The following PCDHGA10 variants were observed in gnomAD, a reference collection of about 807,000 sequenced individuals.
PCDHGA10 encodes the protein protocadherin gamma-A10.
Under a neutral mutation model 59.5 loss-of-function variants are expected in PCDHGA10, and 42 were observed. The ratio of observed to expected loss-of-function variants is 0.71; its 90% confidence interval spans 0.55 to 0.91. PCDHGA10 has a LOEUF of 0.91. PCDHGA10 is among the 40% of genes least tolerant of loss of function. The pLI, the probability that PCDHGA10 is intolerant of heterozygous loss-of-function variation, is 0.00. For synonymous variants in PCDHGA10, 511 were observed against 517.2 expected, an observed-to-expected ratio of 0.99 and a Z score of 0.16; for missense variants, 1,111 against 1,198.2, an observed-to-expected ratio of 0.93 and a Z score of 1.07.
At chr5:141,510,286 A>G (rs1011677966) in intron 3 of PCDHGA10, among the ~76,000 whole-genome samples, 1 of 151,770 alleles carries the variant, frequency 6.6e-6, no homozygotes, top group African/African-American at 2.4e-5. Flanking sequence ...AAAAAAAAAA[A>G]AAAAATGCTG....
chr5:141,478,323 G>C, intron 1 of PCDHGA10: 1 of 1,613,958 alleles, frequency 6.2e-7, no homozygotes, highest in Non-Finnish European at 8.5e-7. Flanking sequence ...TCACTGTACC[G>C]AACACCAGGG....
At chr5:141,501,290 T>TACACACACAC (rs55762287) in intron 2 of PCDHGA10, among the ~76,000 whole-genome samples, 12 of 136,162 alleles carry the variant, frequency 8.8e-5, no homozygotes, top group Admixed American at 4.7e-4. Context: ...TATTCCCTTA[T>TACACACACAC]ACACACACAC....
rs1347978078 is a variant in PCDHGA10, at chr5:141,486,800, C to G, written c.2437-8007C>G. ...GGTGCAGGCCCGGGATCGGGGCAAC[C>G]CACCCCTTAGCAGCACTGTAACAGT... On this transcript the variant is annotated intron_variant, in intron 1 of 3. Coordinates refer to ENST00000398610, the MANE Select transcript of PCDHGA10 (RefSeq NM_018913.3). The surrounding 1 kb of genome is among the most constrained non-coding windows in gnomAD (Gnocchi z 5.0). 1.9e-6 allele frequency: 3 copies of G among 1,614,104 alleles called. No individual in the cohort carries two copies. In the Admixed American group the frequency reaches 5.0e-5, roughly 27 times the overall value.
chr5:141,430,017 CTTG>C (rs1203011013), intron 1 of PCDHGA10, among the ~76,000 whole-genome samples: 6 of 152,096 alleles, frequency 3.9e-5, no homozygotes, highest in African/African-American at 1.2e-4. Context: ...CACTTGGGTT[CTTG>C]TTAAGTGTGA....
At chr5:141,465,241 G>C (rs2099099198) in intron 1 of PCDHGA10, among the ~76,000 whole-genome samples, 1 of 151,964 alleles carries the variant, frequency 6.6e-6, no homozygotes, top group South Asian at 2.1e-4. Flanking sequence ...CAAGTTCAAG[G>C]CACTTTTGTA....
intron 1 of PCDHGA10, among the ~76,000 whole-genome samples, chr5:141,433,397 A>ATCTC (rs1179042498): frequency 6.6e-6 from 1 of 150,410 alleles, no homozygotes; most frequent in African/African-American, 2.5e-5. Flanking sequence ...CTATCTATCT[A>ATCTC]TCTATCTATT....
chr5:141,494,746 C>A lies in PCDHGA10; in HGVS notation c.2437-61C>A. 3 of 1,613,088 alleles carry A rather than the reference C, an allele frequency of 1.9e-6. No individual in the cohort carries two copies. The South Asian group carries it at 3.3e-5, about 18-fold the overall frequency. On this transcript the variant is annotated intron_variant, in intron 1 of 3. Coordinates refer to ENST00000398610, the MANE Select transcript of PCDHGA10 (RefSeq NM_018913.3). ...TTCTCTCCCGGCCCATCCCTAGGGG[C>A]TCGGGTGACATTCTAACTTCTCACG...
At chr5:141,482,371 T>C (rs1191880709) in intron 1 of PCDHGA10, among the ~76,000 whole-genome samples, 2 of 152,100 alleles carry the variant, frequency 1.3e-5, no homozygotes, top group African/African-American at 2.4e-5. Flanking sequence ...AAGTAATGCA[T>C]ATAAAGTCCC....
intron 3 of PCDHGA10, among the ~76,000 whole-genome samples, chr5:141,506,300 T>G (rs2099852124): frequency 6.6e-6 from 1 of 151,976 alleles, no homozygotes; most frequent in East Asian, 1.9e-4. Flanking sequence ...AATACAAAAA[T>G]TAGCTGGGCA....
In PCDHGA10 at chr5:141,491,925, G is replaced by A. The variant is rs1019181943; in HGVS notation, c.2437-2882G>A. 5 of 1,325,176 alleles carry A rather than the reference G, an allele frequency of 3.8e-6. No homozygotes were observed. In the Admixed American group the frequency reaches 1.5e-4, roughly 39 times the overall value. 82.1% of individuals were successfully genotyped at this position (1,325,176 alleles called of 1,614,324 possible). A position where few individuals can be genotyped will look rare whatever the true frequency, so the allele number is the denominator to read the frequency against. On this transcript the variant is annotated intron_variant, in intron 1 of 3. Coordinates refer to ENST00000398610, the MANE Select transcript of PCDHGA10 (RefSeq NM_018913.3). The surrounding 1 kb of genome is among the most constrained non-coding windows in gnomAD (Gnocchi z 6.9). ...GGGTGGTGGCGACTGTGGGCGAGGG[G>A]AGGTGGGACCGACCCCCACCCCTAC...
chr5:141,441,700 T>TCAAG (rs1409793305), intron 1 of PCDHGA10: 1 of 308,660 alleles, frequency 3.2e-6, no homozygotes, highest in African/African-American at 2.3e-5. Context: ...CCGCGAGCCT[T>TCAAG]CAAGCTCACG....
At chr5:141,424,894 T>C (rs868851823) in intron 1 of PCDHGA10, among the ~76,000 whole-genome samples, 44 of 152,320 alleles carry the variant, frequency 2.9e-4, no homozygotes, top group African/African-American at 9.9e-4. Flanking sequence ...TCTAGGGTTT[T>C]TGATCACAGG....
chr5:141,456,426 A>G (rs2098857765), intron 1 of PCDHGA10, among the ~76,000 whole-genome samples: 1 of 152,210 alleles, frequency 6.6e-6, no homozygotes, highest in Non-Finnish European at 1.5e-5. Context: ...AATTCAAGTT[A>G]TAGTATTGAG....
At chr5:141,439,202 A>AG (rs1348445707) in intron 1 of PCDHGA10, among the ~76,000 whole-genome samples, 2 of 151,954 alleles carry the variant, frequency 1.3e-5, no homozygotes, top group African/African-American at 4.8e-5. Context: ...AAAAAAAAAA[A>AG]AAATCCATAT....
intron 2 of PCDHGA10, among the ~76,000 whole-genome samples, chr5:141,500,469 A>G (rs917974103): frequency 1.3e-5 from 2 of 152,052 alleles, no homozygotes; most frequent in East Asian, 1.9e-4. Context: ...TCGGCCTCCC[A>G]AAGTGCTGGG....
At chr5:141,440,093 GA>G (rs2098151022) in intron 1 of PCDHGA10, 1 of 152,302 alleles carries the variant, frequency 6.6e-6, no homozygotes, top group Non-Finnish European at 1.5e-5. Context: ...TCTAAGTGGG[GA>G]AAGTGGAGAC....
chr5:141,472,980 C>CAAAAAAAAAAAAAAA (rs60579131), intron 1 of PCDHGA10, among the ~76,000 whole-genome samples: 13 of 86,076 alleles, frequency 1.5e-4, no homozygotes, highest in African/African-American at 1.9e-4. Context: ...GAGTGAAACT[C>CAAAAAAAAAAAAAAA]AAAAAAAAAA....
At chr5:141,458,984 C>T (rs2098958355) in intron 1 of PCDHGA10, among the ~76,000 whole-genome samples, 1 of 152,204 alleles carries the variant, frequency 6.6e-6, no homozygotes, top group Non-Finnish European at 1.5e-5. Context: ...CCTCCTGCCT[C>T]ACCCTCCCAA....
intron 1 of PCDHGA10, among the ~76,000 whole-genome samples, chr5:141,463,632 T>C (rs2099065676): frequency 6.6e-6 from 1 of 151,822 alleles, no homozygotes; most frequent in Admixed American, 6.6e-5. Flanking sequence ...GTATTTTGTT[T>C]AGTAGAGACG....
Sources: gnomAD v4.1 joint callset for allele counts (sites outside exome capture counted in the v4.1 genomes callset) on GRCh38, gnomAD v4.1.1 for gene constraint, Gnocchi (gnomAD v3.1) non-coding constraint, MANE v1.5 for transcripts, NCBI Gene and HGNC (gene_info 2026-07-23, HGNC 2026-07-21) for gene names.